The following LDLRAD4 variants were observed in gnomAD, a reference collection of about 807,000 sequenced individuals.
The protein encoded by LDLRAD4 is low density lipoprotein receptor class A domain containing 4.
Under a neutral mutation model 17.0 loss-of-function variants are expected in LDLRAD4, and 5 were observed. The observed-to-expected ratio is 0.29, with a 90% confidence interval of 0.15 to 0.62. LDLRAD4 has a LOEUF of 0.62. LDLRAD4 is among the 20% of genes least tolerant of loss of function. The probability of loss-of-function intolerance (pLI) is 0.84; values close to 1 mark genes in which losing one functional copy is unlikely to be tolerated. For missense variants in LDLRAD4, 340 were observed against 424.7 expected, an observed-to-expected ratio of 0.80 and a Z score of 1.75; for synonymous variants, 168 against 171.8, an observed-to-expected ratio of 0.98 and a Z score of 0.17.
chr18:13,459,658 C>T (rs2092334320), intron 3 of LDLRAD4, among the ~76,000 whole-genome samples: 1 of 152,162 alleles, frequency 6.6e-6, no homozygotes, highest in Admixed American at 6.5e-5. Context: ...GCTGGGATTA[C>T]AGCTGTGAGC....
chr18:13,500,221 G>A (rs1204786007), intron 3 of LDLRAD4, among the ~76,000 whole-genome samples: 1 of 151,960 alleles, frequency 6.6e-6, no homozygotes, highest in Non-Finnish European at 1.5e-5. Context: ...AGCTAGCCAG[G>A]CTGGCCTGGC....
At chr18:13,343,828 G>A (rs2082520633) in intron 1 of LDLRAD4, among the ~76,000 whole-genome samples, 1 of 152,294 alleles carries the variant, frequency 6.6e-6, no homozygotes, top group Non-Finnish European at 1.5e-5. Context: ...TTTCTCTGAT[G>A]GCCAGTGATG....
intron 2 of LDLRAD4, among the ~76,000 whole-genome samples, chr18:13,427,068 C>T (rs571342144): frequency 4.5e-4 from 68 of 152,284 alleles, no homozygotes; most frequent in African/African-American, 1.5e-3. Flanking sequence ...CACCTGTAGT[C>T]CCAGCTACTC....
intron 1 of LDLRAD4, among the ~76,000 whole-genome samples, chr18:13,281,884 G>T (rs150687535): frequency 6.6e-6 from 1 of 152,108 alleles, no homozygotes; most frequent in Non-Finnish European, 1.5e-5. Context: ...TATTAGTCCG[G>T]ATTCATGCTG....
chr18:13,388,604 G>C (rs1281656699), intron 2 of LDLRAD4, among the ~76,000 whole-genome samples: 1 of 152,386 alleles, frequency 6.6e-6, no homozygotes, highest in East Asian at 1.9e-4. Context: ...CAGCTTTTCA[G>C]ATTTTGTGGA....
At chr18:13,642,861 GA>G in intron 4 of LDLRAD4, 1 of 564,386 alleles carries the variant, frequency 1.8e-6, no homozygotes, top group Non-Finnish European at 2.6e-6. Context: ...CAAGAGGTCT[GA>G]AAAGGGACGG....
Position 13,316,586 on chromosome 18 carries a change from A to G in LDLRAD4, c.-383+38398A>G, listed in dbSNP as rs1279005493. 2.0e-5 allele frequency among the ~76,000 whole-genome samples: 3 copies of G among 152,338 alleles called. No individual in the cohort carries two copies. The South Asian group carries it at 6.2e-4, about 32-fold the overall frequency. ...GGACAGCGACTACCTGTCACCAGCA[A>G]GTCACAGCAGTGCCTTGTGGGGTGT... On this transcript the variant is annotated intron_variant, in intron 1 of 5. Coordinates refer to ENST00000359446, the Ensembl canonical transcript of LDLRAD4.
intron 1 of LDLRAD4, among the ~76,000 whole-genome samples, chr18:13,353,387 G>T (rs2083155421): frequency 6.6e-6 from 1 of 152,148 alleles, no homozygotes; most frequent in African/African-American, 2.4e-5. Flanking sequence ...GGGCCTGTGT[G>T]TATGCTTTTC....
At chr18:13,370,538 C>T (rs770602438) in intron 1 of LDLRAD4, among the ~76,000 whole-genome samples, 18 of 152,108 alleles carry the variant, frequency 1.2e-4, no homozygotes, top group Admixed American at 4.6e-4. Flanking sequence ...GTCAGGGACT[C>T]TACAGCGGCA....
intron 1 of LDLRAD4, among the ~76,000 whole-genome samples, chr18:13,337,416 C>G (rs554173183): frequency 1.7e-4 from 26 of 152,264 alleles, no homozygotes; most frequent in African/African-American, 6.3e-4. Flanking sequence ...CTCCTAGTTC[C>G]ATGGAAAATG....
At position 13,255,653 on chromosome 18, in the gene LDLRAD4, G is replaced by A. The variant is rs374199611; in HGVS notation, c.-466-22452G>A. Among the ~76,000 whole-genome samples the A allele has an allele frequency of 3.4e-4, 52 of 152,300 alleles. No homozygotes were observed. The East Asian group carries it at 6.8e-3, about 20-fold the overall frequency. On this transcript the variant is annotated intron_variant, in intron 1 of 5. Transcript: ENST00000399848. ...GGTTTCCAGAGGGTCAGGGTCTCTG[G>A]GGAATAGATCACGGTGGAGGCCCAA...
chr18:13,445,784 G>A (rs1452055290), intron 3 of LDLRAD4, among the ~76,000 whole-genome samples: 2 of 150,498 alleles, frequency 1.3e-5, no homozygotes, highest in African/African-American at 4.9e-5. Flanking sequence ...TGTGTGTGAG[G>A]TTGAGTCTCT....
chr18:13,260,034 T>C (rs2043728025), intron 1 of LDLRAD4, among the ~76,000 whole-genome samples: 1 of 152,228 alleles, frequency 6.6e-6, no homozygotes, highest in African/African-American at 2.4e-5. Flanking sequence ...CTCTCGGATT[T>C]CTTGGGAGGC....
At chr18:13,414,013 A>T (rs2088628348) in intron 2 of LDLRAD4, among the ~76,000 whole-genome samples, 1 of 152,144 alleles carries the variant, frequency 6.6e-6, no homozygotes, top group Admixed American at 6.5e-5. Flanking sequence ...AAATAAGTGG[A>T]TGGTGTTGCT....
intron 1 of LDLRAD4, among the ~76,000 whole-genome samples, chr18:13,225,828 A>G (rs967022245): frequency 6.6e-6 from 1 of 152,188 alleles, no homozygotes; most frequent in Non-Finnish European, 1.5e-5. Context: ...TTCTTTCATG[A>G]ATATTTTTCA....
In LDLRAD4 at chr18:13,590,876, A is replaced by AT. The variant is rs546803711; in HGVS notation, c.182-30239dup. Among the ~76,000 whole-genome samples, 153 of 152,330 alleles carry AT rather than the reference A, an allele frequency of 1.0e-3. 2 individuals are homozygous for AT. Among genetic ancestry groups the AT allele is most frequent in the Admixed American group, 8.2e-3 (125 of 15,304 alleles). On this transcript the variant is annotated intron_variant, in intron 3 of 5. Transcript: ENST00000359446. Reference sequence around the variant, plus strand: ...TTATTATTTCTAATTCAGAGGTCTCATTATCATCAGATGGAATGGAGGAAG... The same window carrying AT: ...TTATTATTTCTAATTCAGAGGTCTCATTTATCATCAGATGGAATGGAGGAAG...
chr18:13,555,204 G>A (rs897516766), intron 3 of LDLRAD4, among the ~76,000 whole-genome samples: 4 of 152,174 alleles, frequency 2.6e-5, no homozygotes, highest in African/African-American at 9.7e-5. Flanking sequence ...ATCCTGGGAC[G>A]GAAAAGGGAC....
intron 1 of LDLRAD4, among the ~76,000 whole-genome samples, chr18:13,230,676 G>A (rs1208569936): frequency 6.6e-6 from 1 of 152,140 alleles, no homozygotes; most frequent in African/African-American, 2.4e-5. Flanking sequence ...GGGAAGAGGT[G>A]GGAGGGTGTC....
chr18:13,548,252 A>C (rs2094392159), intron 3 of LDLRAD4, among the ~76,000 whole-genome samples: 1 of 150,700 alleles, frequency 6.6e-6, no homozygotes, highest in South Asian at 2.1e-4. Flanking sequence ...GGCCTGGAAA[A>C]AGCACCGTAA....
Sources: allele counts gnomAD v4.1 joint callset (sites outside exome capture counted in the v4.1 genomes callset), GRCh38; gene constraint gnomAD v4.1.1; transcripts MANE v1.5; gene names NCBI Gene and HGNC (gene_info 2026-07-23, HGNC 2026-07-21).